The following MEGF9 variants were observed in gnomAD, a reference collection of about 807,000 sequenced individuals.
The protein encoded by MEGF9 is multiple epidermal growth factor-like domains protein 9.
MEGF9 carries 6 observed loss-of-function variants against 46.8 expected under a neutral mutation model. The ratio of observed to expected loss-of-function variants is 0.13; its 90% CI spans 0.07 to 0.25. The LOEUF is 0.25. Among genes scored for constraint, MEGF9 ranks in the 10% least tolerant of loss-of-function variants. MEGF9 has a pLI of 1.00. For synonymous variants in MEGF9, 302 were observed against 330.7 expected (o/e 0.91, Z 0.94); for missense variants, 683 against 792.4 (o/e 0.86, Z 1.66).
intron 2 of MEGF9, among the ~76,000 whole-genome samples, chr9:120,658,292 T>C (rs531073318): frequency 1.3e-5 from 2 of 152,316 alleles, no homozygotes; most frequent in African/African-American, 4.8e-5. Context: ...CAGCCTCTTC[T>C]ACATTTTTAA....
chr9:120,709,795 T>C (rs1191818109), intron 1 of MEGF9, among the ~76,000 whole-genome samples: 1 of 152,062 alleles, frequency 6.6e-6, no homozygotes, highest in Non-Finnish European at 1.5e-5. Flanking sequence ...ACACCTATAA[T>C]CCCAGCACTT....
At chr9:120,628,468 G>GTT (rs1170322238) in intron 2 of MEGF9, among the ~76,000 whole-genome samples, 26,718 of 69,100 alleles carry the variant, frequency 0.39, 10,143 homozygotes, top group Non-Finnish European at 0.48. Flanking sequence ...TCTTGTCGTT[G>GTT]TTTTTTTTTT....
intron 1 of MEGF9, among the ~76,000 whole-genome samples, chr9:120,670,461 A>C (rs2043744113): frequency 6.6e-6 from 1 of 152,172 alleles, no homozygotes; most frequent in Non-Finnish European, 1.5e-5. Context: ...TTGTTAGAGA[A>C]AGTTACAATA....
chr9:120,666,618 T>C (rs1040084085), intron 1 of MEGF9, among the ~76,000 whole-genome samples: 15 of 152,322 alleles, frequency 9.8e-5, no homozygotes, highest in African/African-American at 3.4e-4. Context: ...ATACCTTTAC[T>C]ATATGACCCA....
At chr9:120,690,913 A>G (rs1399005326) in intron 1 of MEGF9, among the ~76,000 whole-genome samples, 2 of 152,194 alleles carry the variant, frequency 1.3e-5, no homozygotes, top group African/African-American at 4.8e-5. Context: ...CAGACATTTA[A>G]AAAGAAATAT....
At position 120,691,335 on chromosome 9, in the gene MEGF9, G is replaced by T. The variant is rs531832730; in HGVS notation, c.601+22423C>A. 157 of 370,524 alleles carry T rather than the reference G, an allele frequency of 4.2e-4. 1 individual carries two copies. Among genetic ancestry groups the T allele is most frequent in the South Asian group, 3.2e-3 (152 of 47,432 alleles). The allele number at this position is 370,524 out of a possible 1,614,324, so 23.0% of individuals were successfully genotyped here. On this transcript the variant is annotated intron_variant, in intron 1 of 5. Coordinates refer to ENST00000373930, the MANE Select transcript of MEGF9 (RefSeq NM_001080497.3). The stretch of plus-strand genomic sequence containing the variant: ...CAGGTGGGTGAGAGATATGAGAAAG[G>T]TCATAACCCTACTCTGTTAATTTTG...
intron 4 of MEGF9, among the ~76,000 whole-genome samples, chr9:120,610,273 T>C (rs1228204301): frequency 6.6e-6 from 1 of 152,180 alleles, no homozygotes; most frequent in East Asian, 1.9e-4. Context: ...TTTTACAGCA[T>C]TTTTGTACTT....
chr9:120,689,075 T>C (rs1046467463), intron 1 of MEGF9, among the ~76,000 whole-genome samples: 3 of 152,194 alleles, frequency 2.0e-5, no homozygotes, highest in African/African-American at 7.2e-5. Flanking sequence ...TAATGTCTTA[T>C]AGCAGAGAGA....
chr9:120,666,563 G>A (rs978591289), intron 1 of MEGF9, among the ~76,000 whole-genome samples: 2 of 152,304 alleles, frequency 1.3e-5, no homozygotes, highest in Admixed American at 1.3e-4. Flanking sequence ...CAAAATAGTA[G>A]AGACACTTTG....
At chr9:120,654,023 G>A (rs77365016) in intron 2 of MEGF9, among the ~76,000 whole-genome samples, 3,600 of 152,260 alleles carry the variant, frequency 0.024, 150 homozygotes, top group African/African-American at 0.083. Flanking sequence ...GAGCTTCAAA[G>A]GAGTTTTTAG....
At position 120,636,874 on chromosome 9, in the gene MEGF9, G is replaced by A. The variant is rs541762713; in HGVS notation, c.804-14119C>T. Among the ~76,000 whole-genome samples the A allele has an allele frequency of 5.3e-3, 807 of 151,398 alleles. 7 individuals are homozygous for A. Among genetic ancestry groups the A allele is most frequent in the African/African-American group, 0.019 (773 of 41,334 alleles). Reference sequence around the variant, plus strand: ...GGGGGGTGGGGGGGCCCCTCTGCCCGGCCGCCACGTCTGGGAAGTGAGGAG... The same window carrying A: ...GGGGGGTGGGGGGGCCCCTCTGCCCAGCCGCCACGTCTGGGAAGTGAGGAG... On this transcript the variant is annotated intron_variant, in intron 2 of 5. Coordinates refer to ENST00000373930, the MANE Select transcript of MEGF9 (RefSeq NM_001080497.3).
At chr9:120,635,852 G>T (rs771141365) in intron 2 of MEGF9, among the ~76,000 whole-genome samples, 1 of 152,062 alleles carries the variant, frequency 6.6e-6, no homozygotes, top group South Asian at 2.1e-4. Context: ...AGAAAGTGAC[G>T]TTCCTTTGGT....
intron 2 of MEGF9, 104 bp downstream of exon 2, chr9:120,659,270 C>T: frequency 4.0e-6 from 3 of 757,446 alleles, no homozygotes; most frequent in East Asian, 2.8e-5. Flanking sequence ...AATCTATGAC[C>T]CTCATCCCCC....
chr9:120,659,608 A>T (rs1167830741), intron 1 of MEGF9, 33 bp from the exon 2 acceptor site: 2 of 1,504,692 alleles, frequency 1.3e-6, no homozygotes, highest in East Asian at 4.8e-5. Flanking sequence ...GACATTACCA[A>T]CTAAGATTTA....
intron 2 of MEGF9, among the ~76,000 whole-genome samples, chr9:120,636,470 A>T (rs564885699): frequency 2.0e-5 from 3 of 152,224 alleles, no homozygotes; most frequent in Non-Finnish European, 4.4e-5. Context: ...CATAATACTC[A>T]AAAAGAGTAC....
chr9:120,640,727 C>T (rs1365124192), intron 2 of MEGF9, among the ~76,000 whole-genome samples: 2 of 151,888 alleles, frequency 1.3e-5, no homozygotes, highest in African/African-American at 4.8e-5. Context: ...AGACTTTTAT[C>T]GACTTTTTTC....
At chr9:120,645,082 G>T (rs2043619758) in intron 2 of MEGF9, among the ~76,000 whole-genome samples, 1 of 152,152 alleles carries the variant, frequency 6.6e-6, no homozygotes, top group African/African-American at 2.4e-5. Flanking sequence ...CATAAGTATA[G>T]CATGAACAGG....
intron 3 of MEGF9, among the ~76,000 whole-genome samples, chr9:120,619,456 T>C (rs868591052): frequency 1.3e-5 from 2 of 152,262 alleles, no homozygotes; most frequent in Middle Eastern, 6.3e-3. Context: ...ACAAGTGTAT[T>C]GCATTTAATC....
At chr9:120,613,850 T>C (rs1409271954) in intron 3 of MEGF9, among the ~76,000 whole-genome samples, 2 of 152,168 alleles carry the variant, frequency 1.3e-5, no homozygotes, top group African/African-American at 2.4e-5. Flanking sequence ...TACAGTCCAA[T>C]GCTAAAACTA....
Sources: allele counts gnomAD v4.1 joint callset (sites outside exome capture counted in the v4.1 genomes callset), GRCh38; gene constraint gnomAD v4.1.1; transcripts MANE v1.5; gene names NCBI Gene and HGNC (gene_info 2026-07-23, HGNC 2026-07-21).